Variants in TGM1 observed in about 807,000 individuals in gnomAD.
TGM1 encodes protein-glutamine gamma-glutamyltransferase K.
TGM1 carries 63 observed loss-of-function variants against 88.7 expected under a neutral mutation model. That is an observed-to-expected ratio of 0.71 (90% CI 0.58 to 0.88). The LOEUF is 0.88. Ranked by LOEUF, TGM1 falls within the 40% of genes least tolerant of loss-of-function variation. The pLI, the probability that TGM1 is intolerant of heterozygous loss-of-function variation, is 0.00. For missense variants in TGM1, 996 were observed against 1,118.0 expected (o/e 0.89, Z 1.56); for synonymous variants, 415 against 431.1 (o/e 0.96, Z 0.46).
rs2040793079 is a variant in TGM1 at position 24,259,910 on chromosome 14, T to C, written c.876+30A>G. On this transcript the variant is annotated intron_variant, in intron 5 of 14. Coordinates refer to ENST00000206765, the MANE Select transcript of TGM1 (RefSeq NM_000359.3). The surrounding 1 kb of genome is among the most constrained non-coding windows in gnomAD (Gnocchi z 5.7). ...CCACACCCACCCCAGCTCCTCTGGG[T>C]GTATGTGACCCTGGCCAGCCGCACC... is the stretch of plus-strand genomic sequence containing the variant. 2 of 1,609,762 alleles carry C rather than the reference T, an allele frequency of 1.2e-6. No homozygotes were observed. The highest frequency in any genetic ancestry group is 2.7e-5 in the African/African-American group (2 of 74,908).
At position 24,255,439 on chromosome 14, in the gene TGM1, C is replaced by T. The variant is rs765914927; in HGVS notation, c.1570G>A (p.Gly524Ser). 1.2e-6 allele frequency: 2 copies of T among 1,614,088 alleles called. No individual in the cohort carries two copies. The highest frequency in any genetic ancestry group is 8.5e-7 in the Non-Finnish European group (1 of 1,180,020). ...KIVYVEEKAI[G>S]TLIVTKAISS... ...ATGGCCTTTGTGACAATGAGTGTGC[C>T]GATGGCCTTCTCCTCCACATAAACA... is the stretch of plus-strand genomic sequence containing the variant. The change falls in exon 11 of 15, where the codon GGC (glycine) becomes AGC (serine). Residue 524 changes from glycine to serine, a missense_variant. By Grantham distance (56) the Gly-to-Ser change is moderately conservative. Coordinates refer to ENST00000206765, the MANE Select transcript of TGM1 (RefSeq NM_000359.3). This position sits in a 1 kb window ranked among gnomAD's most constrained non-coding sequence, Gnocchi z 4.0.
Position 24,259,919 on chromosome 14 carries a change from C to A in TGM1, c.876+21G>T, listed in dbSNP as rs1338429929. 1.2e-6 allele frequency: 2 copies of A among 1,613,218 alleles called. No individual in the cohort carries two copies. The highest frequency in any genetic ancestry group is 2.2e-5 in the East Asian group (1 of 44,878). ...CCCCAGCTCCTCTGGGTGTATGTGA[C>A]CCTGGCCAGCCGCACCATACCTGGC... On this transcript the variant is annotated intron_variant, in intron 5 of 14. Transcript: ENST00000206765. This position sits in a 1 kb window ranked among gnomAD's most constrained non-coding sequence, Gnocchi z 5.7.
chr14:24,261,959 C>T (rs543705671), intron 2 of TGM1, 75 bp downstream of exon 2: 11 of 1,609,980 alleles, frequency 6.8e-6, no homozygotes, highest in South Asian at 2.2e-5. Context: ...CTATCCCCCC[C>T]AGAAATGCCA....
chr14:24,260,154 G>C, intron 4 of TGM1, 96 bp from the exon 5 acceptor site: 2 of 1,167,764 alleles, frequency 1.7e-6, no homozygotes, highest in Non-Finnish European at 2.6e-6. Context: ...GTCCACAGAA[G>C]AAAATGCGGG....
At chr14:24,254,388 C>T in intron 13 of TGM1, 100 bp from the exon 14 acceptor site, 1 of 1,559,010 alleles carries the variant, frequency 6.4e-7, no homozygotes, top group South Asian at 1.1e-5. Context: ...AGAAGCAAAA[C>T]CTCCCCGAGT....
intron 1 of TGM1, among the ~76,000 whole-genome samples, chr14:24,262,785 C>A (rs2139029299): frequency 6.6e-6 from 1 of 152,364 alleles, no homozygotes; most frequent in South Asian, 2.1e-4. Context: ...TTCTAGAACT[C>A]ATTTCTTAGC....
Position 24,259,311 on chromosome 14 carries a change from TCCATGGGGA to T in TGM1, c.985-71_985-63del, listed in dbSNP as rs2040784955. 1 of 1,526,408 alleles carries T rather than the reference TCCATGGGGA, an allele frequency of 6.6e-7. No individual in the cohort carries two copies. The highest frequency in any genetic ancestry group is 1.4e-5 in the African/African-American group (1 of 72,830). 94.6% of individuals were successfully genotyped at this position (1,526,408 alleles called of 1,614,324 possible). On this transcript the variant is annotated intron_variant, in intron 6 of 14. Coordinates refer to ENST00000206765, the MANE Select transcript of TGM1 (RefSeq NM_000359.3). This position sits in a 1 kb window ranked among gnomAD's most constrained non-coding sequence, Gnocchi z 5.7. ...GAGGGGCTCAGGACCTGCCATGTGG[TCCATGGGGA>T]CCAGCCGGGCCCCGATCCTGCAACC... is the stretch of plus-strand genomic sequence containing the variant.
rs1359898296 is a variant in TGM1, at chr14:24,249,411, C to T, written c.2356G>A (p.Val786Met). 9 of 1,614,138 alleles carry T rather than the reference C, an allele frequency of 5.6e-6. No homozygotes were observed. The highest frequency in any genetic ancestry group is 6.8e-6 in the Non-Finnish European group (8 of 1,180,022). Reference sequence around the variant, plus strand: ...CCCCCATCCCCAGGGGCTGGGGCCACATCCACCTGGATGACACCGTGCACC... The same window carrying T: ...CCCCCATCCCCAGGGGCTGGGGCCATATCCACCTGGATGACACCGTGCACC... ...SQVHGVIQVD[V>M]APAPGDGGFF... is the part of the protein sequence containing the mutation. The change falls in exon 15 of 15, where the codon GTG becomes ATG. Residue 786 changes from valine (V) to methionine (M), a missense_variant. Coordinates refer to ENST00000206765, the MANE Select transcript of TGM1 (RefSeq NM_000359.3).
chr14:24,261,959 C>A (rs543705671), intron 2 of TGM1, 75 bp downstream of exon 2: 66 of 1,610,098 alleles, frequency 4.1e-5, no homozygotes, highest in African/African-American at 2.5e-4. Context: ...CTATCCCCCC[C>A]AGAAATGCCA....
At position 24,249,498 on chromosome 14, in the gene TGM1, C is replaced by T. The variant is rs2040681878; in HGVS notation, c.2269G>A (p.Val757Met). 1 of 1,614,152 alleles carries T rather than the reference C, an allele frequency of 6.2e-7. No individual in the cohort carries two copies. Among genetic ancestry groups the T allele is most frequent in the Non-Finnish European group, 8.5e-7 (1 of 1,180,028 alleles). ...NETVTLRQSF[V>M]PVRPGPRQLI... Reference sequence around the variant, plus strand: ...TGGCGGGGGCCTGGTCGCACAGGCACAAACGACTGGCGCAGTGTCACTGTT... The same window carrying T: ...TGGCGGGGGCCTGGTCGCACAGGCATAAACGACTGGCGCAGTGTCACTGTT... The change falls in exon 15 of 15, where the codon GTG (valine) becomes ATG (methionine). Residue 757 changes from valine to methionine, a missense_variant. By Grantham distance (21) the Val-to-Met change is conservative (BLOSUM62 1). Transcript: ENST00000206765.
chr14:24,251,881 T>G (rs1346530981), intron 14 of TGM1, among the ~76,000 whole-genome samples: 1 of 152,218 alleles, frequency 6.6e-6, no homozygotes, highest in Non-Finnish European at 1.5e-5. Context: ...AAGTCAAATC[T>G]ACCCCTAAGA....
chr14:24,260,490 G>A lies in TGM1; in HGVS notation c.717C>T (p.Pro239=). Residue 239 remains proline (P), a synonymous_variant, in exon 4 of 15, where the codon CCC becomes CCT. Transcript: ENST00000206765. ...DAGEFQLPFD[P]RNEIYILFNP... Reference sequence around the variant, plus strand: ...TGAAGAGGATGTAGATCTCATTGCGGGGGTCAAAGGGCAACTGGAACTCCC... The same window carrying A: ...TGAAGAGGATGTAGATCTCATTGCGAGGGTCAAAGGGCAACTGGAACTCCC... 6.2e-7 allele frequency: 1 copy of A among 1,614,022 alleles called. No individual in the cohort carries two copies. Among genetic ancestry groups the A allele is most frequent in the East Asian group, 2.2e-5 (1 of 44,868 alleles).
chr14:24,255,372 T>TA lies in TGM1; in HGVS notation c.1636_1637insT (p.His546LeufsTer163). ...GGTTGGGGGAATGGTACCTTCTGGG[T>TA]GCTTATAGAGGTAGGTGATGTCCTC... On this transcript the variant is annotated frameshift_variant, in exon 11 of 15. Coordinates refer to ENST00000206765, the MANE Select transcript of TGM1 (RefSeq NM_000359.3). LOFTEE classifies it high-confidence loss of function. The surrounding 1 kb of genome is among the most constrained non-coding windows in gnomAD (Gnocchi z 4.0). The TA allele has an allele frequency of 6.2e-7, 1 of 1,614,142 alleles. No homozygotes were observed. The highest frequency in any genetic ancestry group is 8.5e-7 in the Non-Finnish European group (1 of 1,180,026).
intron 3 of TGM1, 138 bp downstream of exon 3, chr14:24,261,557 C>T (rs1372808651): frequency 1.8e-6 from 2 of 1,114,810 alleles, no homozygotes; most frequent in South Asian, 2.6e-5. Flanking sequence ...AGGGGCACAC[C>T]CACACACTTG....
Position 24,261,902 on chromosome 14 carries a change from G to A in TGM1, c.320-19C>T, listed in dbSNP as rs202132183. The A allele has an allele frequency of 8.0e-5, 129 of 1,612,208 alleles. No homozygotes were observed. Among genetic ancestry groups the A allele is most frequent in the Admixed American group, 2.5e-4 (15 of 60,006 alleles). On this transcript the variant is annotated intron_variant, in intron 2 of 14. Coordinates refer to ENST00000206765, the MANE Select transcript of TGM1 (RefSeq NM_000359.3). ...ATGCCCTCTGCAAGGACACAGCTCC[G>A]TGTCAGTGAAGCCCCATGAGGAGCC... is the stretch of plus-strand genomic sequence containing the variant.
chr14:24,260,680 C>T lies in TGM1; in HGVS notation c.527G>A (p.Gly176Asp). 6.2e-7 allele frequency: 1 copy of T among 1,614,142 alleles called. No individual in the cohort carries two copies. The highest frequency in any genetic ancestry group is 8.5e-7 in the Non-Finnish European group (1 of 1,180,040). The change falls in exon 4 of 15, where the codon GGC becomes GAC. Residue 176 changes from glycine to aspartate, a missense_variant. Transcript: ENST00000206765. ...TGGGATGATCACGTGCGTGCCCTTG[C>T]CCACCTCGGGGTTGTTTCCTAGAGT... Reference protein sequence around the residue: ...ELLIGNNPEVGKGTHVIIPVG... With the variant: ...ELLIGNNPEVDKGTHVIIPVG...
Position 24,255,962 on chromosome 14 carries a change from A to G in TGM1, c.1491+27T>C, listed in dbSNP as rs752858137. ...CCAGAGAACCCATGACTGAAGCCCA[A>G]GAAGGCACCTGGAGCCCAGCCCTCA... On this transcript the variant is annotated intron_variant, in intron 10 of 14. Coordinates refer to ENST00000206765, the MANE Select transcript of TGM1 (RefSeq NM_000359.3). This position sits in a 1 kb window ranked among gnomAD's most constrained non-coding sequence, Gnocchi z 4.0. The G allele has an allele frequency of 1.0e-5, 16 of 1,544,064 alleles. No individual in the cohort carries two copies. Among genetic ancestry groups the G allele is most frequent in the African/African-American group, 4.1e-5 (3 of 73,104 alleles).
In TGM1 at chr14:24,255,573, T is replaced by C; in HGVS notation, c.1492-56A>G. On this transcript the variant is annotated intron_variant, in intron 10 of 14. Coordinates refer to ENST00000206765, the MANE Select transcript of TGM1 (RefSeq NM_000359.3). The surrounding 1 kb of genome is among the most constrained non-coding windows in gnomAD (Gnocchi z 4.0). ...TGAGCCAGAGGGTCTGAGGGTGGCC[T>C]GACTCCCGGCCTCCTTCCCCTGATC... The C allele has an allele frequency of 1.2e-6, 2 of 1,606,008 alleles. No homozygotes were observed. The highest frequency in any genetic ancestry group is 3.3e-5 in the Admixed American group (2 of 59,976).
Position 24,249,385 on chromosome 14 carries a change from GC to G in TGM1, c.2381del (p.Gly794AlafsTer12). ...TGTCACCTCCAGCGTCTGAGAAGAA[GC>G]CCCCATCCCCAGGGGCTGGGGCCAC... ...VDVAPAPGDG[G>X]FFSDAGGDSH... On this transcript the variant is annotated frameshift_variant, in exon 15 of 15. Coordinates refer to ENST00000206765, the MANE Select transcript of TGM1 (RefSeq NM_000359.3). LOFTEE classifies it high-confidence loss of function. 6.2e-7 allele frequency: 1 copy of G among 1,614,066 alleles called. No homozygotes were observed. Among genetic ancestry groups the G allele is most frequent in the Non-Finnish European group, 8.5e-7 (1 of 1,180,012 alleles).
Sources: gnomAD v4.1 joint callset for allele counts (sites outside exome capture counted in the v4.1 genomes callset) on GRCh38, gnomAD v4.1.1 for gene constraint, Gnocchi (gnomAD v3.1) non-coding constraint, MANE v1.5 for transcripts, NCBI Gene and HGNC (gene_info 2026-07-23, HGNC 2026-07-21) for gene names.